The following LEF1 variants were observed in gnomAD, a reference collection of about 807,000 sequenced individuals.
LEF1 encodes the protein lymphoid enhancer-binding factor 1.
In LEF1, 14 loss-of-function variants were observed where a neutral mutation model predicts 51.2. The ratio of observed to expected loss-of-function variants is 0.27; its 90% CI spans 0.18 to 0.43. LEF1 has a LOEUF of 0.43. Among genes scored for constraint, LEF1 ranks in the 20% least tolerant of loss-of-function variants. The pLI is 1.00. For synonymous variants in LEF1, 185 were observed against 183.2 expected, an observed-to-expected ratio of 1.01 and a Z score of -0.08; for missense variants, 386 against 512.0, an observed-to-expected ratio of 0.75 and a Z score of 2.37.
intron 11 of LEF1, among the ~76,000 whole-genome samples, chr4:108,052,979 C>T (rs1737101167): frequency 6.6e-6 from 1 of 152,162 alleles, no homozygotes; most frequent in African/African-American, 2.4e-5. Context: ...AAAGGTCACC[C>T]AACTAATAGG....
intron 3 of LEF1, among the ~76,000 whole-genome samples, chr4:108,137,312 G>A (rs893679605): frequency 6.6e-6 from 1 of 152,192 alleles, no homozygotes; most frequent in African/African-American, 2.4e-5. Flanking sequence ...ACTGGGTGCA[G>A]TGTACACTGC....
At chr4:108,116,864 G>C (rs1741874974) in intron 3 of LEF1, among the ~76,000 whole-genome samples, 1 of 152,178 alleles carries the variant, frequency 6.6e-6, no homozygotes, top group Admixed American at 6.5e-5. Context: ...GTTAGTATTA[G>C]AGTGCCAAGA....
intron 4 of LEF1, among the ~76,000 whole-genome samples, chr4:108,086,992 T>G (rs577051084): frequency 2.6e-4 from 40 of 152,316 alleles, no homozygotes; most frequent in Admixed American, 8.5e-4. Flanking sequence ...TCTTCGGTTG[T>G]TTTTTTCTGG....
chr4:108,079,430 C>A, intron 7 of LEF1, 62 bp downstream of exon 7: 1 of 1,581,170 alleles, frequency 6.3e-7, no homozygotes, highest in Admixed American at 1.7e-5. Flanking sequence ...TGCAAAGGAG[C>A]AACAGTGTAG....
intron 3 of LEF1, among the ~76,000 whole-genome samples, chr4:108,098,167 T>C (rs1740515250): frequency 6.6e-6 from 1 of 152,144 alleles, no homozygotes; most frequent in Admixed American, 6.5e-5. Context: ...TGCCCAGGGA[T>C]GGCATATTCA....
rs577199677 is a variant in LEF1 at position 108,050,331 on chromosome 4, A to G, written c.*7-1580T>C. ...CCTTAGGTAAGGCAGTGAAGGGACA[A>G]GAAGACTGGTGGAGCCGGAAGTGCA... On this transcript the variant is annotated intron_variant, in intron 11 of 11. Coordinates refer to ENST00000265165, the MANE Select transcript of LEF1 (RefSeq NM_016269.5). Among the ~76,000 whole-genome samples the G allele has an allele frequency of 2.6e-5, 4 of 152,328 alleles. No homozygotes were observed. In the South Asian group the frequency reaches 8.3e-4, roughly 32 times the overall value.
chr4:108,063,278 T>C (rs1436446692), intron 11 of LEF1, among the ~76,000 whole-genome samples: 1 of 152,190 alleles, frequency 6.6e-6, no homozygotes, highest in Non-Finnish European at 1.5e-5. Context: ...CTGAGTAAGA[T>C]GGCATTTTGC....
intron 3 of LEF1, among the ~76,000 whole-genome samples, chr4:108,111,801 C>A (rs932143899): frequency 2.6e-5 from 4 of 152,174 alleles, no homozygotes; most frequent in African/African-American, 9.6e-5. Flanking sequence ...TCCAGTCCAG[C>A]TACTCAGAAG....
intron 11 of LEF1, among the ~76,000 whole-genome samples, chr4:108,063,316 T>C (rs1159802774): frequency 6.6e-6 from 1 of 152,216 alleles, no homozygotes; most frequent in Non-Finnish European, 1.5e-5. Flanking sequence ...TTGTTCTTTT[T>C]TTAAGCAGGC....
chr4:108,159,187 C>T (rs1042948052), intron 3 of LEF1, among the ~76,000 whole-genome samples: 5 of 152,126 alleles, frequency 3.3e-5, no homozygotes, highest in South Asian at 2.1e-4. Flanking sequence ...GGGGGAATGG[C>T]AAGCGCTTCC....
chr4:108,140,255 G>T (rs1028455621), intron 3 of LEF1, among the ~76,000 whole-genome samples: 3 of 152,050 alleles, frequency 2.0e-5, no homozygotes, highest in African/African-American at 7.2e-5. Flanking sequence ...GGCAGCCCTG[G>T]AGCAGACTGG....
At chr4:108,068,604 A>C (rs529598551) in intron 9 of LEF1, among the ~76,000 whole-genome samples, 1 of 152,256 alleles carries the variant, frequency 6.6e-6, no homozygotes, top group Admixed American at 6.5e-5. Context: ...GCTGTTTCCC[A>C]TAAGTAACAG....
chr4:108,109,943 G>A (rs1203178702), intron 3 of LEF1, among the ~76,000 whole-genome samples: 5 of 152,144 alleles, frequency 3.3e-5, no homozygotes, highest in Non-Finnish European at 4.4e-5. Context: ...ACACAGATTT[G>A]TTTGAAGTTC....
chr4:108,092,937 A>AAC (rs1334265887), intron 3 of LEF1, among the ~76,000 whole-genome samples: 1 of 148,482 alleles, frequency 6.7e-6, no homozygotes, highest in African/African-American at 2.5e-5. Context: ...AAAAAAAAAA[A>AAC]AAAAAAAAAA....
chr4:108,066,780 G>A (rs1738112187), intron 9 of LEF1, among the ~76,000 whole-genome samples: 1 of 152,124 alleles, frequency 6.6e-6, no homozygotes, highest in Non-Finnish European at 1.5e-5. Context: ...TATACGGACT[G>A]TATAATATTG....
At position 108,083,352 on chromosome 4, in the gene LEF1, T is replaced by C; in HGVS notation, c.638+4A>G. 6.3e-7 allele frequency: 1 copy of C among 1,599,420 alleles called. No individual in the cohort carries two copies. Among genetic ancestry groups the C allele is most frequent in the Non-Finnish European group, 8.6e-7 (1 of 1,166,612 alleles). ...CTGGCTGAAGGGTGCAGCAAGGTTCTTACCAGCCAAGAGGTGGGGTGATCT... is the reference window on the plus strand; with the variant it reads ...CTGGCTGAAGGGTGCAGCAAGGTTCCTACCAGCCAAGAGGTGGGGTGATCT... On this transcript the variant is annotated splice_donor_region_variant and intron_variant, in intron 5 of 11. Coordinates refer to ENST00000265165, the MANE Select transcript of LEF1 (RefSeq NM_016269.5).
intron 3 of LEF1, among the ~76,000 whole-genome samples, chr4:108,162,814 T>C (rs986920801): frequency 2.0e-5 from 3 of 152,220 alleles, no homozygotes; most frequent in African/African-American, 7.2e-5. Flanking sequence ...ATTTTACATC[T>C]ACATACTACA....
At chr4:108,115,743 A>G (rs1232763607) in intron 3 of LEF1, among the ~76,000 whole-genome samples, 4 of 152,212 alleles carry the variant, frequency 2.6e-5, no homozygotes, top group Non-Finnish European at 4.4e-5. Context: ...TCAAAACATC[A>G]GAGCAGTGAG....
intron 3 of LEF1, among the ~76,000 whole-genome samples, chr4:108,149,458 C>CA (rs371482539): frequency 0.01 from 608 of 60,490 alleles, 36 homozygotes; most frequent in Middle Eastern, 0.037. Context: ...GACTCCGTCT[C>CA]AAAAAAAAAA....
Sources: gnomAD v4.1 joint callset for allele counts (sites outside exome capture counted in the v4.1 genomes callset) on GRCh38, gnomAD v4.1.1 for gene constraint, MANE v1.5 for transcripts, NCBI Gene and HGNC (gene_info 2026-07-23, HGNC 2026-07-21) for gene names.